Variants in COL4A2 observed in about 807,000 individuals in gnomAD.
COL4A2 encodes collagen alpha-2(IV) chain.
COL4A2 carries 99 observed loss-of-function variants against 200.2 expected under a neutral mutation model. The ratio of observed to expected loss-of-function variants is 0.49; its 90% confidence interval spans 0.42 to 0.58. The LOEUF is 0.58. Among genes scored for constraint, COL4A2 ranks in the 20% least tolerant of loss-of-function variants. The pLI, the probability that COL4A2 is intolerant of heterozygous loss-of-function variation, is 0.00. For missense variants in COL4A2, 1,950 were observed against 2,314.1 expected, an observed-to-expected ratio of 0.84 and a Z score of 3.23; for synonymous variants, 897 against 900.6, an observed-to-expected ratio of 1.00 and a Z score of 0.07.
chr13:110,388,693 A>G (rs1878866948), intron 4 of COL4A2, among the ~76,000 whole-genome samples: 1 of 152,352 alleles, frequency 6.6e-6, no homozygotes, highest in South Asian at 2.1e-4. Context: ...CACTGATTGC[A>G]GTTTTACTAG....
rs1190473130 is a variant in COL4A2, at chr13:110,505,174, C to T, written c.4402+910C>T. On this transcript the variant is annotated intron_variant, in intron 45 of 47. Coordinates refer to ENST00000360467, the MANE Select transcript of COL4A2 (RefSeq NM_001846.4). ...GACCATCCTGGCTAACACGGTGAAA[C>T]CCCGTCTCTACTAAAAATACAAAAA... Among the ~76,000 whole-genome samples, 9 of 151,530 alleles carry T rather than the reference C, an allele frequency of 5.9e-5. No individual in the cohort carries two copies. In the East Asian group the frequency reaches 1.4e-3, roughly 23 times the overall value.
intron 39 of COL4A2, among the ~76,000 whole-genome samples, chr13:110,494,160 A>G (rs1332832076): frequency 6.6e-6 from 1 of 152,220 alleles, no homozygotes; most frequent in Non-Finnish European, 1.5e-5. Flanking sequence ...GAATGGGGAT[A>G]TAAAGACTCA....
chr13:110,434,190 G>A (rs1880786554), intron 11 of COL4A2, among the ~76,000 whole-genome samples: 1 of 152,140 alleles, frequency 6.6e-6, no homozygotes, highest in African/African-American at 2.4e-5. Context: ...TCCAATCTCA[G>A]CTCCCACTCA....
At chr13:110,342,718 C>T (rs764127594) in intron 3 of COL4A2, among the ~76,000 whole-genome samples, 2 of 152,122 alleles carry the variant, frequency 1.3e-5, no homozygotes, top group Non-Finnish European at 2.9e-5. Context: ...GCCTGGAGCC[C>T]GGGCACCCTT....
chr13:110,359,306 G>T (rs1462583173), intron 4 of COL4A2, among the ~76,000 whole-genome samples: 4 of 152,306 alleles, frequency 2.6e-5, no homozygotes, highest in African/African-American at 9.6e-5. Flanking sequence ...CTTTAAAACT[G>T]AGTCTTGGTG....
At chr13:110,351,458 G>A (rs1463860651) in intron 3 of COL4A2, among the ~76,000 whole-genome samples, 1 of 152,176 alleles carries the variant, frequency 6.6e-6, no homozygotes, top group Non-Finnish European at 1.5e-5. Flanking sequence ...AAGAACTGGT[G>A]CAAGAATGAC....
At chr13:110,349,404 T>G (rs978701775) in intron 3 of COL4A2, among the ~76,000 whole-genome samples, 1 of 152,150 alleles carries the variant, frequency 6.6e-6, no homozygotes, top group Non-Finnish European at 1.5e-5. Context: ...AACACGATAC[T>G]CTCTTCTCAC....
intron 16 of COL4A2, among the ~76,000 whole-genome samples, chr13:110,443,953 G>A (rs1881229736): frequency 6.6e-6 from 1 of 152,180 alleles, no homozygotes; most frequent in African/African-American, 2.4e-5. Flanking sequence ...ACTGCCAGTG[G>A]TCTCAGATGA....
intron 3 of COL4A2, among the ~76,000 whole-genome samples, chr13:110,328,720 A>C (rs1016131229): frequency 1.3e-5 from 2 of 152,178 alleles, no homozygotes; most frequent in African/African-American, 2.4e-5. Context: ...GAGCAGACAG[A>C]GAGATGACGC....
chr13:110,333,913 A>G (rs1219992282), intron 3 of COL4A2, among the ~76,000 whole-genome samples: 2 of 152,322 alleles, frequency 1.3e-5, no homozygotes. Context: ...ACCCTCTGAG[A>G]TAGGAACTAA....
At chr13:110,469,176 C>T (rs763155691) in intron 27 of COL4A2, 41 bp from the exon 28 acceptor site, 8 of 1,553,288 alleles carry the variant, frequency 5.2e-6, no homozygotes, top group Non-Finnish European at 6.1e-6. Flanking sequence ...CATTTATCCT[C>T]GTGGAGCCTG....
At chr13:110,318,938 G>A (rs1032158398) in intron 3 of COL4A2, among the ~76,000 whole-genome samples, 8 of 152,034 alleles carry the variant, frequency 5.3e-5, no homozygotes, top group African/African-American at 1.9e-4. Context: ...TGGGCAGGTT[G>A]GGGGTTGTGT....
intron 27 of COL4A2, chr13:110,468,015 G>A: frequency 2.5e-6 from 1 of 396,644 alleles, no homozygotes; most frequent in Non-Finnish European, 5.2e-6. Context: ...AAGATGAATA[G>A]TGCAGACAGG....
intron 3 of COL4A2, among the ~76,000 whole-genome samples, chr13:110,330,593 A>G (rs1594150131): frequency 6.6e-6 from 1 of 152,178 alleles, no homozygotes. Context: ...AGCAGAGTGC[A>G]TATCTTTGTT....
rs193272451 is a variant in COL4A2, at chr13:110,469,057, T to A, written c.2096-160T>A. Among the ~76,000 whole-genome samples, 119 of 152,280 alleles carry A rather than the reference T, an allele frequency of 7.8e-4. No homozygotes were observed. In the Middle Eastern group the frequency reaches 0.01, roughly 13 times the overall value. On this transcript the variant is annotated intron_variant, in intron 27 of 47. Transcript: ENST00000360467. The stretch of plus-strand genomic sequence containing the variant: ...TAAACAGGATTTTAAACACTGAAAA[T>A]CATTCTGTAAGCCTGGAGGTGCTGT...
chr13:110,385,960 C>T lies in COL4A2; in HGVS notation c.180+28408C>T, dbSNP rs796866859. On this transcript the variant is annotated intron_variant, in intron 4 of 47. Transcript: ENST00000360467. ...GCGTGTGGATGGGCCGTGGTCACAG[C>T]GTGTGGATGGGCCGTGGTCACAGCG... is the stretch of plus-strand genomic sequence containing the variant. Among the ~76,000 whole-genome samples, 33 of 19,020 alleles carry T rather than the reference C, an allele frequency of 1.7e-3. 4 individuals are homozygous for T. The highest frequency in any genetic ancestry group is 6.6e-3 in the East Asian group (5 of 754). The allele number at this position is 19,020 out of a possible 152,430, so 12.5% of individuals were successfully genotyped here.
At position 110,330,343 on chromosome 13, in the gene COL4A2, T is replaced by G. The variant is rs1003571302; in HGVS notation, c.99+22220T>G. Among the ~76,000 whole-genome samples the G allele has an allele frequency of 8.5e-5, 13 of 152,254 alleles. No individual in the cohort carries two copies. In the East Asian group the frequency reaches 9.7e-4, roughly 11 times the overall value. On this transcript the variant is annotated intron_variant, in intron 3 of 47. Transcript: ENST00000360467. ...ATACTGCTGTAACACGATGTTTTAC[T>G]CGGTGGCTTCATTGTGTAGGTGGGT... is the stretch of plus-strand genomic sequence containing the variant.
intron 17 of COL4A2, 58 bp from the exon 18 acceptor site, chr13:110,446,740 C>G: frequency 6.9e-7 from 1 of 1,456,526 alleles, no homozygotes; most frequent in Non-Finnish European, 9.6e-7. Context: ...AATATGTGTA[C>G]TGTCAAAAAC....
At chr13:110,442,233 C>T (rs867513676) in intron 16 of COL4A2, among the ~76,000 whole-genome samples, 66 of 152,166 alleles carry the variant, frequency 4.3e-4, no homozygotes, top group African/African-American at 1.5e-3. Flanking sequence ...GATGGTGAGG[C>T]GTCAGGCTTT....
Sources: allele counts gnomAD v4.1 joint callset (sites outside exome capture counted in the v4.1 genomes callset), GRCh38; gene constraint gnomAD v4.1.1; transcripts MANE v1.5; gene names NCBI Gene and HGNC (gene_info 2026-07-23, HGNC 2026-07-21).